SAMD3: variants seen among roughly 807,000 people sequenced by gnomAD.
SAMD3 encodes the protein sterile alpha motif domain-containing protein 3.
A neutral mutation model predicts 58.5 loss-of-function variants in SAMD3; 63 were observed. The ratio of observed to expected loss-of-function variants is 1.08; its 90% CI spans 0.88 to 1.33. SAMD3 has a LOEUF of 1.33. Ranked by LOEUF, SAMD3 falls within the 40% of genes most tolerant of loss-of-function variation. The pLI, the probability that SAMD3 is intolerant of heterozygous loss-of-function variation, is 0.00. For synonymous variants in SAMD3, 220 were observed against 210.3 expected, an observed-to-expected ratio of 1.05 and a Z score of -0.40; for missense variants, 604 against 608.4, an observed-to-expected ratio of 0.99 and a Z score of 0.08.
intron 8 of SAMD3, chr6:130,162,203 T>C (rs1204947737): frequency 1.4e-6 from 1 of 697,318 alleles, no homozygotes; most frequent in Non-Finnish European, 2.6e-6. Flanking sequence ...AACACCACAG[T>C]AACCTAAGCT....
intron 5 of SAMD3, among the ~76,000 whole-genome samples, chr6:130,200,594 A>C (rs1487686080): frequency 6.6e-6 from 1 of 150,838 alleles, no homozygotes; most frequent in Non-Finnish European, 1.5e-5. Context: ...ATGAGGCATG[A>C]CATGCTCAGT....
At chr6:130,276,143 G>A (rs1774768637) in intron 2 of SAMD3, among the ~76,000 whole-genome samples, 1 of 151,976 alleles carries the variant, frequency 6.6e-6, no homozygotes, top group South Asian at 2.1e-4. Flanking sequence ...AATAGAAGGA[G>A]GGGCCATAAA....
chr6:130,350,235 G>C (rs796092582), intron 1 of SAMD3, among the ~76,000 whole-genome samples: 3 of 152,146 alleles, frequency 2.0e-5, no homozygotes, highest in Admixed American at 2.0e-4. Flanking sequence ...ATTCAGGCAG[G>C]AGAAAGAAAT....
upstream of SAMD3, chr6:130,365,573 G>A (rs983361072): frequency 1.0e-5 from 10 of 985,288 alleles, no homozygotes; most frequent in African/African-American, 1.7e-4. Context: ...CGAGTCGGCT[G>A]GAGCTCCCCA....
At chr6:130,223,222 AG>A (rs1357629289), upstream of SAMD3, among the ~76,000 whole-genome samples, 1 of 152,250 alleles carries the variant, frequency 6.6e-6, no homozygotes, top group Non-Finnish European at 1.5e-5. Flanking sequence ...ATTAGAATTT[AG>A]ACATTGAATT....
chr6:130,275,280 G>C (rs1774735433), intron 2 of SAMD3, among the ~76,000 whole-genome samples: 1 of 152,012 alleles, frequency 6.6e-6, no homozygotes, highest in Admixed American at 6.6e-5. Context: ...TTTGCTTCTT[G>C]AATCAGCCTG....
downstream of SAMD3, among the ~76,000 whole-genome samples, chr6:130,143,406 C>T (rs1015072841): frequency 6.6e-6 from 1 of 152,034 alleles, no homozygotes; most frequent in African/African-American, 2.4e-5. Context: ...CTACCACACC[C>T]GGCTAATTTG....
chr6:130,358,654 T>TA (rs1777901631), intron 1 of SAMD3, among the ~76,000 whole-genome samples: 1 of 152,038 alleles, frequency 6.6e-6, no homozygotes, highest in South Asian at 2.1e-4. Context: ...TTTAGAGTAA[T>TA]ACCCTTACTC....
intron 2 of SAMD3, among the ~76,000 whole-genome samples, chr6:130,295,005 C>T (rs1477317805): frequency 6.9e-6 from 1 of 143,924 alleles, no homozygotes; most frequent in African/African-American, 2.5e-5. Context: ...CTTTCCGCAA[C>T]CTCTGCCTTC....
chr6:130,315,964 T>C (rs73617824), intron 1 of SAMD3, among the ~76,000 whole-genome samples: 2,542 of 152,260 alleles, frequency 0.017, 62 homozygotes, highest in African/African-American at 0.058. Context: ...AAGGTTCATA[T>C]CTTTCTTCAC....
At chr6:130,206,383 AG>A (rs1795080916) in intron 5 of SAMD3, among the ~76,000 whole-genome samples, 1 of 152,192 alleles carries the variant, frequency 6.6e-6, no homozygotes, top group Admixed American at 6.5e-5. Context: ...CAAGGAAATG[AG>A]GCCAACTAGA....
chr6:130,254,474 G>A (rs1773858914), intron 2 of SAMD3, among the ~76,000 whole-genome samples: 1 of 151,882 alleles, frequency 6.6e-6, no homozygotes, highest in Non-Finnish European at 1.5e-5. Flanking sequence ...GGTATTACAG[G>A]CATGAGCCAC....
At chr6:130,284,107 C>A (rs1775077925) in intron 2 of SAMD3, among the ~76,000 whole-genome samples, 1 of 152,206 alleles carries the variant, frequency 6.6e-6, no homozygotes, top group South Asian at 2.1e-4. Flanking sequence ...CCCACTTCAG[C>A]CTCCCAAAGT....
intron 8 of SAMD3, chr6:130,159,547 G>A (rs760258121): frequency 1.3e-5 from 2 of 152,138 alleles, no homozygotes; most frequent in Non-Finnish European, 2.9e-5. Flanking sequence ...GATTCAGTTC[G>A]AGGAAGTTGG....
chr6:130,197,888 C>T (rs929921232), intron 5 of SAMD3, among the ~76,000 whole-genome samples: 2 of 152,148 alleles, frequency 1.3e-5, no homozygotes, highest in African/African-American at 2.4e-5. Flanking sequence ...TCCAGATGGC[C>T]GGTTCCTGCC....
At chr6:130,211,217 T>A (rs1795522294) in intron 4 of SAMD3, among the ~76,000 whole-genome samples, 1 of 151,432 alleles carries the variant, frequency 6.6e-6, no homozygotes, top group South Asian at 2.1e-4. Context: ...CAACCCCTTA[T>A]CATAACCCAG....
intron 9 of SAMD3, among the ~76,000 whole-genome samples, chr6:130,147,781 C>T (rs1424692515): frequency 6.6e-6 from 1 of 152,216 alleles, no homozygotes; most frequent in East Asian, 1.9e-4. Flanking sequence ...TTAGATACCA[C>T]GCCTCTCTAG....
At chr6:130,211,472 T>C (rs1174866555) in intron 4 of SAMD3, among the ~76,000 whole-genome samples, 2 of 151,770 alleles carry the variant, frequency 1.3e-5, no homozygotes, top group Non-Finnish European at 2.9e-5. Context: ...TTAGTAGAGA[T>C]GGGGTTTCAC....
intron 7 of SAMD3, chr6:130,182,937 A>G (rs957874935): frequency 1.8e-5 from 3 of 167,236 alleles, no homozygotes; most frequent in African/African-American, 7.2e-5. Context: ...TTTTGTATAC[A>G]TAGCTACAGT....
Sources: gnomAD v4.1 joint callset for allele counts (sites outside exome capture counted in the v4.1 genomes callset) on GRCh38, gnomAD v4.1.1 for gene constraint, MANE v1.5 for transcripts, NCBI Gene and HGNC (gene_info 2026-07-23, HGNC 2026-07-21) for gene names.